The following POLE variants were observed in gnomAD, a reference collection of about 807,000 sequenced individuals.
POLE encodes the protein DNA polymerase epsilon, catalytic subunit.
Under a neutral mutation model 279.2 loss-of-function variants are expected in POLE, and 188 were observed. That is an observed-to-expected ratio of 0.67 (90% CI 0.60 to 0.76). POLE has a LOEUF of 0.76. Among genes scored for constraint, POLE ranks in the 30% least tolerant of loss-of-function variants. POLE has a pLI of 0.00. For missense variants in POLE, 2,703 were observed against 3,016.7 expected (o/e 0.90, Z 2.44); for synonymous variants, 1,214 against 1,172.5 (o/e 1.04, Z -0.72).
rs746585658 is a variant in POLE at position 132,649,421 on chromosome 12, G to A, written c.3890C>T (p.Ser1297Leu). 2.7e-5 allele frequency: 43 copies of A among 1,612,948 alleles called. No individual in the cohort carries two copies. The highest frequency in any genetic ancestry group is 1.6e-4 in the Middle Eastern group (1 of 6,066). The change falls in exon 31 of 49, where the codon TCG becomes TTG. Residue 1297 changes from serine (S) to leucine (L), a missense_variant. By Grantham distance (145) the Ser-to-Leu change is moderately radical (BLOSUM62 -2). Transcript: ENST00000320574. ...LARRKRQRLE[S>L]AEGVLRPGAI... ...CCCGGGCCTGAGCACACCCTCTGCC[G>A]ACTCCAGACGCTGCCTCTTCCTGCG...
chr12:132,680,369 G>A (rs1204656822), intron 3 of POLE, 147 bp from the exon 4 acceptor site: 16 of 760,198 alleles, frequency 2.1e-5, no homozygotes, highest in South Asian at 3.2e-5. Context: ...GTCAGAATGC[G>A]CACTTTTCAC....
chr12:132,661,477 C>A lies in POLE; in HGVS notation c.2864+50G>T. 1 of 1,583,320 alleles carries A rather than the reference C, an allele frequency of 6.3e-7. No individual in the cohort carries two copies. Among genetic ancestry groups the A allele is most frequent in the South Asian group, 1.1e-5 (1 of 88,408 alleles). On this transcript the variant is annotated intron_variant, in intron 24 of 48. Transcript: ENST00000320574. This position sits in a 1 kb window ranked among gnomAD's most constrained non-coding sequence, Gnocchi z 4.1. ...ACCTCCTTTCTGGGCTAAATTTAATCTATCTCAATCCATGTCCTTTCTAAA... is the reference window on the plus strand; with the variant it reads ...ACCTCCTTTCTGGGCTAAATTTAATATATCTCAATCCATGTCCTTTCTAAA...
At chr12:132,649,175 C>T in intron 31 of POLE, 103 bp from the exon 32 acceptor site, 1 of 1,510,860 alleles carries the variant, frequency 6.6e-7, no homozygotes, top group Non-Finnish European at 9.0e-7. Context: ...GGGCCTTAGG[C>T]CTCCCTACGA....
chr12:132,625,151 G>A (rs933012460), intron 47 of POLE, 157 bp from the exon 48 acceptor site: 6 of 681,852 alleles, frequency 8.8e-6, no homozygotes, highest in East Asian at 8.1e-5. Context: ...TAAAATGCAC[G>A]ACCTCATCCC....
chr12:132,682,309 T>TAAAAA (rs202218715), intron 1 of POLE, among the ~76,000 whole-genome samples: 1 of 119,374 alleles, frequency 8.4e-6, no homozygotes, highest in African/African-American at 3.8e-5. Context: ...AAAAAATAAA[T>TAAAAA]AAAAATAAAT....
chr12:132,642,973 G>T lies in POLE; in HGVS notation c.4575C>A (p.Ser1525Arg). The T allele has an allele frequency of 6.3e-7, 1 of 1,594,998 alleles. No homozygotes were observed. The highest frequency in any genetic ancestry group is 1.1e-5 in the South Asian group (1 of 88,124). Residue 1525 changes from serine to arginine, a missense_variant, in exon 36 of 49, where the codon AGC becomes AGA. Physicochemically the swap from Ser to Arg is moderately radical, Grantham distance 110. This residue lies in a region of POLE where 1,551 missense variants were observed against 1,686.1 expected (regional missense o/e 0.92). Transcript: ENST00000320574. Reference sequence around the variant, plus strand: ...GCTCTGCTGAGTACAGGGCGCCAAGGCTGGGCATCTGGTTGCTGCGCACCT... The same window carrying T: ...GCTCTGCTGAGTACAGGGCGCCAAGTCTGGGCATCTGGTTGCTGCGCACCT... The part of the protein sequence containing the change: ...LDTVRSNQMP[S>R]LGALYSAEHG...
At chr12:132,645,410 G>A (rs1241804532) in intron 32 of POLE, among the ~76,000 whole-genome samples, 1 of 151,486 alleles carries the variant, frequency 6.6e-6, no homozygotes, top group Admixed American at 6.6e-5. Flanking sequence ...GGGAATCCTG[G>A]AGAGGAGCAC....
rs2043020094 is a variant in POLE at position 132,675,319 on chromosome 12, T to C, written c.1226+79A>G. 1 of 1,549,556 alleles carries C rather than the reference T, an allele frequency of 6.5e-7. No individual in the cohort carries two copies. The highest frequency in any genetic ancestry group is 1.2e-5 in the South Asian group (1 of 82,364). On this transcript the variant is annotated intron_variant, in intron 12 of 48. Transcript: ENST00000320574. The surrounding 1 kb of genome is among the most constrained non-coding windows in gnomAD (Gnocchi z 4.3). ...GCCACCCTCCTCCCATGAGATGTGG[T>C]GACAGCACAGTCTGCAAGAGGCCTT... is the stretch of plus-strand genomic sequence containing the variant.
chr12:132,639,780 C>T lies in POLE; in HGVS notation c.5379-482G>A, dbSNP rs539093827. Among the ~76,000 whole-genome samples the T allele has an allele frequency of 1.3e-5, 2 of 152,196 alleles. No homozygotes were observed. The highest frequency in any genetic ancestry group is 2.1e-4 in the South Asian group (1 of 4,814). The stretch of plus-strand genomic sequence containing the variant: ...CAACCTGGCCAACATGGTGAAACCC[C>T]GTCTCTATTAAAAATACAAAAATTA... On this transcript the variant is annotated intron_variant, in intron 39 of 48. Coordinates refer to ENST00000320574, the MANE Select transcript of POLE (RefSeq NM_006231.4). The surrounding 1 kb of genome is among the most constrained non-coding windows in gnomAD (Gnocchi z 4.7).
At position 132,687,320 on chromosome 12, in the gene POLE, C is replaced by A. The variant is rs1593099237; in HGVS notation, c.-5G>T. On this transcript the variant is annotated 5_prime_UTR_variant, in exon 1 of 49. Coordinates refer to ENST00000320574, the MANE Select transcript of POLE (RefSeq NM_006231.4). The stretch of plus-strand genomic sequence containing the variant: ...CCCGCCGCTCCTCAGAGACATGGAG[C>A]CGTTGGCTACCACCTCTGCTTCAGG... 3 of 1,499,656 alleles carry A rather than the reference C, an allele frequency of 2.0e-6. No homozygotes were observed. In the South Asian group the frequency reaches 3.7e-5, roughly 19 times the overall value. 92.9% of individuals were successfully genotyped at this position (1,499,656 alleles called of 1,614,324 possible). A position where few individuals can be genotyped will look rare whatever the true frequency, so the allele number is the denominator to read the frequency against.
At chr12:132,637,130 C>A (rs1258363235) in intron 41 of POLE, among the ~76,000 whole-genome samples, 1 of 152,216 alleles carries the variant, frequency 6.6e-6, no homozygotes, top group Non-Finnish European at 1.5e-5. Context: ...ACATAAGGGG[C>A]CACAGTGGGT....
rs1433221333 is a variant in POLE, at chr12:132,657,203, A to C, written c.3515T>G (p.Leu1172Arg). ...KHPDWLHKKL[L>R]EKNDVYKQKK... ...CTGCTTGTAGACATCATTCTTCTCC[A>C]GCAGTTTTTTGTGCAGCCAGTCGGG... Residue 1172 changes from leucine (L) to arginine (R), a missense_variant, in exon 29 of 49, where the codon CTG becomes CGG. Around this residue, in one of 5 missense-constraint regions of POLE, gnomAD observed 1,551 missense variants for 1,686.1 expected, o/e 0.92. Coordinates refer to ENST00000320574, the MANE Select transcript of POLE (RefSeq NM_006231.4). 6.2e-7 allele frequency: 1 copy of C among 1,613,824 alleles called. No homozygotes were observed. Among genetic ancestry groups the C allele is most frequent in the Non-Finnish European group, 8.5e-7 (1 of 1,179,994 alleles).
Position 132,642,168 on chromosome 12 carries a change from C to G in POLE, c.5173+9G>C. 6.5e-7 allele frequency: 1 copy of G among 1,536,896 alleles called. No homozygotes were observed. Among genetic ancestry groups the G allele is most frequent in the Non-Finnish European group, 8.8e-7 (1 of 1,140,350 alleles). ...AGGTCTCATGGGCCTCGTCCTCCCGCCCACTTACCTGTGGAGTAACAGCCT... is the reference window on the plus strand; with the variant it reads ...AGGTCTCATGGGCCTCGTCCTCCCGGCCACTTACCTGTGGAGTAACAGCCT... On this transcript the variant is annotated intron_variant, in intron 38 of 48. Coordinates refer to ENST00000320574, the MANE Select transcript of POLE (RefSeq NM_006231.4).
Position 132,661,167 on chromosome 12 carries a change from G to GAAAAA in POLE, c.2865-8_2865-4dup, listed in dbSNP as rs369732588. 7.3e-7 allele frequency: 1 copy of GAAAAA among 1,378,112 alleles called. No homozygotes were observed. The highest frequency in any genetic ancestry group is 2.2e-5 in the Admixed American group (1 of 44,652). 85.4% of individuals were successfully genotyped at this position (1,378,112 alleles called of 1,614,324 possible). The stretch of plus-strand genomic sequence containing the variant: ...CGTCTTCATTGAACACAGCATACCT[G>GAAAAA]AAAAAAAAAAAAAAGGCAAGCACAG... On this transcript the variant is annotated splice_region_variant and splice_polypyrimidine_tract_variant and intron_variant, in intron 24 of 48. Transcript: ENST00000320574. The surrounding 1 kb of genome is among the most constrained non-coding windows in gnomAD (Gnocchi z 4.1).
At chr12:132,670,346 A>G (rs1593795941) in intron 16 of POLE, among the ~76,000 whole-genome samples, 1 of 151,278 alleles carries the variant, frequency 6.6e-6, no homozygotes, top group Non-Finnish European at 1.5e-5. Flanking sequence ...ATTGCACTCC[A>G]GCCTGGGCAA....
chr12:132,680,218 GCCA>G lies in POLE; in HGVS notation c.287_289del (p.Val96del). 6.2e-7 allele frequency: 1 copy of G among 1,613,982 alleles called. No individual in the cohort carries two copies. Among genetic ancestry groups the G allele is most frequent in the Non-Finnish European group, 8.5e-7 (1 of 1,179,836 alleles). ...GTAGAAATACGGTTTATAGGGCAAAGCCACCTGTTAAGAGTCACCAACCCATCC... is the reference window on the plus strand; with the variant it reads ...GTAGAAATACGGTTTATAGGGCAAAGCCTGTTAAGAGTCACCAACCCATCC... On this transcript the variant is annotated inframe_deletion and splice_region_variant, in exon 4 of 49. Transcript: ENST00000320574.
At chr12:132,687,154 G>C (rs2043293230) in intron 1 of POLE, 100 bp downstream of exon 1, 1 of 695,288 alleles carries the variant, frequency 1.4e-6, no homozygotes, top group African/African-American at 1.9e-5. Flanking sequence ...GGCGGCTGCG[G>C]GAACCGGGCC....
intron 40 of POLE, chr12:132,638,892 C>G: frequency 1.8e-6 from 1 of 546,398 alleles, no homozygotes; most frequent in Non-Finnish European, 3.3e-6. Flanking sequence ...TGACTTTGTG[C>G]AGGAAAGGGG....
In POLE at chr12:132,680,203, G is replaced by A. The variant is rs770323795; in HGVS notation, c.305C>T (p.Pro102Leu). 8 of 1,613,922 alleles carry A rather than the reference G, an allele frequency of 5.0e-6. No homozygotes were observed. Among genetic ancestry groups the A allele is most frequent in the South Asian group, 2.2e-5 (2 of 91,080 alleles). Residue 102 changes from proline to leucine, a missense_variant, in exon 4 of 49, where the codon CCG (proline) becomes CTG (leucine). By Grantham distance (98) the Pro-to-Leu change is moderately conservative. Around this residue, in one of 5 missense-constraint regions of POLE, gnomAD observed 1,011 missense variants for 1,111.7 expected, o/e 0.91. Transcript: ENST00000320574. ...SRFKVALPYK[P>L]YFYIATRKGC... is the part of the protein sequence containing the mutation. ...CTTTCTGGTCGCAATGTAGAAATAC[G>A]GTTTATAGGGCAAAGCCACCTGTTA...
Sources: allele counts gnomAD v4.1 joint callset (sites outside exome capture counted in the v4.1 genomes callset), GRCh38; gene constraint gnomAD v4.1.1; regional missense constraint gnomAD v4.1.1; non-coding constraint Gnocchi (gnomAD v3.1); transcripts MANE v1.5; gene names NCBI Gene and HGNC (gene_info 2026-07-23, HGNC 2026-07-21).